The following ESR1 variants were observed in gnomAD, a reference collection of about 807,000 sequenced individuals.
The protein encoded by ESR1 is estrogen receptor.
In ESR1, 12 loss-of-function variants were observed where a neutral mutation model predicts 52.7. The ratio of observed to expected loss-of-function variants is 0.23; its 90% CI spans 0.15 to 0.37. The LOEUF is 0.37. Ranked by LOEUF, ESR1 falls within the 10% of genes least tolerant of loss-of-function variation. The probability of loss-of-function intolerance (pLI) is 1.00; values close to 1 mark genes in which losing one functional copy is unlikely to be tolerated. For synonymous variants in ESR1, 305 were observed against 316.8 expected, an observed-to-expected ratio of 0.96 and a Z score of 0.39; for missense variants, 584 against 779.7, an observed-to-expected ratio of 0.75 and a Z score of 2.99.
At chr6:151,866,842 CA>C (rs1445650234) in intron 2 of ESR1, among the ~76,000 whole-genome samples, 1 of 152,052 alleles carries the variant, frequency 6.6e-6, no homozygotes, top group Non-Finnish European at 1.5e-5. Flanking sequence ...GGTATATACC[CA>C]GTAATGGGAT....
intron 3 of ESR1, among the ~76,000 whole-genome samples, chr6:151,920,148 A>G: frequency 6.6e-6 from 1 of 152,144 alleles, no homozygotes; most frequent in Admixed American, 6.5e-5. Flanking sequence ...TTATTATAAA[A>G]TTATATTTTG....
chr6:151,833,796 T>G (rs1158902497), intron 1 of ESR1, among the ~76,000 whole-genome samples: 1 of 152,204 alleles, frequency 6.6e-6, no homozygotes, highest in African/African-American at 2.4e-5. Flanking sequence ...CCAAGCTGTC[T>G]TCAAGGTGCT....
intron 6 of ESR1, among the ~76,000 whole-genome samples, chr6:152,071,654 T>G (rs1007355252): frequency 2.0e-5 from 3 of 152,224 alleles, no homozygotes; most frequent in Non-Finnish European, 4.4e-5. Flanking sequence ...CATATTTATA[T>G]TTACATATTC....
chr6:151,661,022 G>T (rs554432533), intron 1 of ESR1, among the ~76,000 whole-genome samples: 2 of 152,062 alleles, frequency 1.3e-5, no homozygotes, highest in Non-Finnish European at 2.9e-5. Context: ...AAAATTGACG[G>T]ATACTGATAC....
chr6:151,671,332 G>T (rs1244690397), intron 1 of ESR1, among the ~76,000 whole-genome samples: 1 of 152,196 alleles, frequency 6.6e-6, no homozygotes, highest in South Asian at 2.1e-4. Flanking sequence ...TGTATACACT[G>T]TGGAATACTA....
chr6:151,887,142 C>A (rs1793991497), intron 3 of ESR1, among the ~76,000 whole-genome samples: 1 of 150,916 alleles, frequency 6.6e-6, no homozygotes, highest in Non-Finnish European at 1.5e-5. Context: ...TTTTGGATTG[C>A]CGAATAATTG....
At chr6:151,970,771 T>C (rs2038825104) in intron 4 of ESR1, among the ~76,000 whole-genome samples, 1 of 152,206 alleles carries the variant, frequency 6.6e-6, no homozygotes, top group Non-Finnish European at 1.5e-5. Context: ...CAAGACAGTT[T>C]CCAATTCTGT....
At chr6:151,849,145 C>T (rs1427803084) in intron 2 of ESR1, among the ~76,000 whole-genome samples, 1 of 152,148 alleles carries the variant, frequency 6.6e-6, no homozygotes. Context: ...ACTCTTACTT[C>T]TCTTTACAGC....
At chr6:152,086,755 G>A (rs2049755373) in intron 6 of ESR1, among the ~76,000 whole-genome samples, 1 of 151,882 alleles carries the variant, frequency 6.6e-6, no homozygotes, top group African/African-American at 2.4e-5. Context: ...TCCCTTGCTG[G>A]GTTCCAGCAA....
rs562314503 is a variant in ESR1, at chr6:151,871,443, G to A, written c.644-9212G>A. On this transcript the variant is annotated intron_variant, in intron 2 of 7. Transcript: ENST00000206249. Reference sequence around the variant, plus strand: ...TTTGAGATGGAGTTTCACTCTAGTCGCCCAGGCTGGAGTGCAGTGGTGCAA... The same window carrying A: ...TTTGAGATGGAGTTTCACTCTAGTCACCCAGGCTGGAGTGCAGTGGTGCAA... 8.6e-5 allele frequency among the ~76,000 whole-genome samples: 13 copies of A among 151,670 alleles called. No individual in the cohort carries two copies. In the South Asian group the frequency reaches 1.3e-3, roughly 15 times the overall value.
chr6:151,694,167 G>T (rs1269790773), intron 1 of ESR1, among the ~76,000 whole-genome samples: 4 of 152,172 alleles, frequency 2.6e-5, no homozygotes, highest in Non-Finnish European at 5.9e-5. Context: ...GCAAAGCTAG[G>T]TAACATGCCC....
chr6:151,849,983 TA>T (rs1345009995), intron 2 of ESR1, among the ~76,000 whole-genome samples: 2 of 6,834 alleles, frequency 2.9e-4, no homozygotes, highest in Non-Finnish European at 1.2e-3. Flanking sequence ...GGGAATTATA[TA>T]TATATATATA....
chr6:152,042,139 T>G (rs563777723), intron 5 of ESR1, among the ~76,000 whole-genome samples: 2 of 152,316 alleles, frequency 1.3e-5, no homozygotes, highest in South Asian at 4.1e-4. Flanking sequence ...ACTATTTTTC[T>G]AGGTAGAGGC....
chr6:151,818,487 G>A (rs968845684), intron 1 of ESR1, among the ~76,000 whole-genome samples: 1 of 152,104 alleles, frequency 6.6e-6, no homozygotes, highest in African/African-American at 2.4e-5. Flanking sequence ...TTTCTAAGAA[G>A]GGTTGTGTTT....
At chr6:151,738,390 T>C (rs1240092849) in intron 2 of ESR1, among the ~76,000 whole-genome samples, 2 of 152,174 alleles carry the variant, frequency 1.3e-5, no homozygotes, top group Non-Finnish European at 2.9e-5. Context: ...AGAAGTGGAA[T>C]TGTTGGATCA....
At chr6:151,804,857 TTGCG>T (rs1474876424), upstream of ESR1, 1 of 152,190 alleles carries the variant, frequency 6.6e-6, no homozygotes, top group African/African-American at 2.4e-5. Context: ...CACCTCAGTA[TTGCG>T]TGTTAGTACT....
chr6:151,961,805 G>A (rs1182965897), intron 4 of ESR1, among the ~76,000 whole-genome samples: 1 of 152,142 alleles, frequency 6.6e-6, no homozygotes, highest in East Asian at 1.9e-4. Flanking sequence ...GAATGGGGAA[G>A]GAAAGTAAAT....
intron 5 of ESR1, among the ~76,000 whole-genome samples, chr6:152,057,430 A>G (rs928278191): frequency 1.3e-5 from 2 of 152,184 alleles, no homozygotes; most frequent in African/African-American, 4.8e-5. Context: ...AGTTGCTCCC[A>G]TTGAAAAACA....
chr6:151,738,335 A>G (rs757983117), intron 2 of ESR1, among the ~76,000 whole-genome samples: 12 of 152,164 alleles, frequency 7.9e-5, no homozygotes, highest in Non-Finnish European at 1.8e-4. Context: ...GGATGTGCAA[A>G]TATCTCTTCG....
Sources: allele counts gnomAD v4.1 joint callset (sites outside exome capture counted in the v4.1 genomes callset), GRCh38; gene constraint gnomAD v4.1.1; transcripts MANE v1.5; gene names NCBI Gene and HGNC (gene_info 2026-07-23, HGNC 2026-07-21).